Variants in MUC5B observed in about 807,000 individuals in gnomAD.
MUC5B encodes mucin-5B.
A neutral mutation model predicts 376.9 loss-of-function variants in MUC5B; 116 were observed. The ratio of observed to expected loss-of-function variants is 0.31; its 90% CI spans 0.26 to 0.36. MUC5B has a LOEUF of 0.36. Among genes scored for constraint, MUC5B ranks in the 10% least tolerant of loss-of-function variants. MUC5B has a pLI of 1.00. For missense variants in MUC5B, 7,165 were observed against 7,769.9 expected (o/e 0.92, Z 2.93); for synonymous variants, 3,517 against 3,390.9 (o/e 1.04, Z -1.29).
At chr11:1,239,177 A>G (rs1289126409) in intron 26 of MUC5B, 150 bp downstream of exon 26, 90 of 1,061,202 alleles carry the variant, frequency 8.5e-5, no homozygotes, top group Non-Finnish European at 6.2e-5. Context: ...ACAAGTTTCT[A>G]TGCACAGAGG....
At position 1,242,373 on chromosome 11, in the gene MUC5B, G is replaced by A. The variant is rs373039016; in HGVS notation, c.5493G>A (p.Arg1831=). ...GGGCACCAAAGAGCATAGAGTGCCG[G>A]GCGGAGAACTACCCCGAGGTAAGCA... ...MCWAPKSIEC[R]AENYPEVSID... The change falls in exon 31 of 49, where the codon CGG becomes CGA. Residue 1831 remains arginine, a synonymous_variant. Coordinates refer to ENST00000529681, the MANE Select transcript of MUC5B (RefSeq NM_002458.3). 8.7e-6 allele frequency: 14 copies of A among 1,613,742 alleles called. No individual in the cohort carries two copies. Among genetic ancestry groups the A allele is most frequent in the Middle Eastern group, 1.6e-4 (1 of 6,084 alleles).
chr11:1,258,820 G>T lies in MUC5B; in HGVS notation c.16594-122G>T, dbSNP rs56064918. On this transcript the variant is annotated intron_variant, in intron 43 of 48. Transcript: ENST00000529681. This position sits in a 1 kb window ranked among gnomAD's most constrained non-coding sequence, Gnocchi z 5.5. ...CTGCCTGGGTCCATGCTCAGCCAGG[G>T]GTGCATCTATGCTCCATCTGAGGAA... The T allele has an allele frequency of 1.5e-6, 2 of 1,355,282 alleles. No individual in the cohort carries two copies. 84.0% of individuals were successfully genotyped at this position (1,355,282 alleles called of 1,614,324 possible). A position where few individuals can be genotyped will look rare whatever the true frequency, so the allele number is the denominator to read the frequency against.
Position 1,250,337 on chromosome 11 carries a change from C to T in MUC5B, c.13457C>T (p.Thr4486Met), listed in dbSNP as rs1350596930. Residue 4486 changes from threonine to methionine, a missense_variant, in exon 31 of 49, where the codon ACG becomes ATG. By Grantham distance (81) the Thr-to-Met change is moderately conservative. This residue lies in a region of MUC5B where 431 missense variants were observed against 390.4 expected (regional missense o/e 1.10). Coordinates refer to ENST00000529681, the MANE Select transcript of MUC5B (RefSeq NM_002458.3). ...ACCCCACATGTGAGCACCACGGCCA[C>T]GACACCCACAGTCACCAGCTCCAAA... ...AGTPHVSTTA[T>M]TPTVTSSKAT... is the part of the protein sequence containing the mutation. 48 of 1,613,144 alleles carry T rather than the reference C, an allele frequency of 3.0e-5. No individual in the cohort carries two copies. Among genetic ancestry groups the T allele is most frequent in the Middle Eastern group, 1.6e-4 (1 of 6,072 alleles).
rs746270636 is a variant in MUC5B at position 1,247,362 on chromosome 11, C to A, written c.10482C>A (p.Thr3494=). 5.6e-6 allele frequency: 9 copies of A among 1,610,876 alleles called. No individual in the cohort carries two copies. Among genetic ancestry groups the A allele is most frequent in the Non-Finnish European group, 7.6e-6 (9 of 1,179,416 alleles). The change falls in exon 31 of 49, where the codon ACC becomes ACA. Residue 3494 remains threonine, a synonymous_variant. Transcript: ENST00000529681. ...ITEPSTVTSH[T]PAATTSTTQH... The stretch of plus-strand genomic sequence containing the variant: ...AGCCTTCCACGGTGACTTCCCACAC[C>A]CCAGCAGCAACCACCAGTACCACCC...
chr11:1,224,062 G>A (rs1861822652), intron 1 of MUC5B, among the ~76,000 whole-genome samples: 1 of 152,236 alleles, frequency 6.6e-6, no homozygotes, highest in Non-Finnish European at 1.5e-5. Flanking sequence ...GGCCCGGGGG[G>A]AGCTGCGTCT....
At position 1,251,466 on chromosome 11, in the gene MUC5B, T is replaced by C. The variant is rs182667095; in HGVS notation, c.14586T>C (p.Gly4862=). The C allele has an allele frequency of 1.8e-4, 287 of 1,603,302 alleles. No individual in the cohort carries two copies. The highest frequency in any genetic ancestry group is 2.6e-4 in the African/African-American group (19 of 74,222). The part of the protein sequence containing the change: ...STIATVMVPT[G]STATASSTLG... The stretch of plus-strand genomic sequence containing the variant: ...TAGCCACCGTGATGGTGCCCACCGG[T>C]TCCACGGCCACCGCCTCCTCCACTC... The change falls in exon 31 of 49, where the codon GGT becomes GGC. Residue 4862 remains glycine, a synonymous_variant. Transcript: ENST00000529681.
chr11:1,259,146 A>AC (rs1482112346), intron 44 of MUC5B, 85 bp downstream of exon 44: 64 of 1,254,412 alleles, frequency 5.1e-5, no homozygotes, highest in Middle Eastern at 2.7e-4. Context: ...CCCAGGTGAG[A>AC]CCTGAGTCAC....
rs760698930 is a variant in MUC5B at position 1,245,868 on chromosome 11, G to T, written c.8988G>T (p.Gln2996His). 6.2e-7 allele frequency: 1 copy of T among 1,613,350 alleles called. No homozygotes were observed. The highest frequency in any genetic ancestry group is 1.1e-5 in the South Asian group (1 of 91,062). The change falls in exon 31 of 49, where the codon CAG becomes CAT. Residue 2996 changes from glutamine to histidine, a missense_variant. By Grantham distance (24) the Gln-to-His change is conservative. Around this residue, in one of 31 missense-constraint regions of MUC5B, gnomAD observed 939 missense variants for 770.6 expected, o/e 1.22. Transcript: ENST00000529681. ...GGACGACCTGGATCCTCACAGAGCA[G>T]ACCACAGCAGCCACTACGACCGCAA... ...TPGTTWILTE[Q>H]TTAATTTATT...
In MUC5B at chr11:1,259,808, C is replaced by T. The variant is rs1411553858; in HGVS notation, c.16766C>T (p.Thr5589Ile). ...AGQCCGECVQ[T>I]ACLTPDGQPV... ...CAGTGCTGTGGGGAGTGCGTCCAGA[C>T]CGCCTGCCTCACGCCCGATGGCCAG... The change falls in exon 45 of 49, where the codon ACC becomes ATC. Residue 5589 changes from threonine (T) to isoleucine (I), a missense_variant. Physicochemically the swap from Thr to Ile is moderately conservative, Grantham distance 89. Transcript: ENST00000529681. 10 of 1,612,308 alleles carry T rather than the reference C, an allele frequency of 6.2e-6. No individual in the cohort carries two copies. The highest frequency in any genetic ancestry group is 8.5e-6 in the Non-Finnish European group (10 of 1,179,702).
chr11:1,247,920 G>A lies in MUC5B; in HGVS notation c.11040G>A (p.Thr3680=), dbSNP rs771603940. ...CCAGCACCCCGGCCACCAGCTCTAC[G>A]GCCACGCCCTCCTCAACTCCGGGGA... ...HCPSTPATSS[T]ATPSSTPGTT... is the part of the protein sequence containing the mutation. The change falls in exon 31 of 49, where the codon ACG becomes ACA. Residue 3680 remains threonine, a synonymous_variant. Transcript: ENST00000529681. 2.4e-5 allele frequency: 38 copies of A among 1,611,712 alleles called. 2 individuals are homozygous for A. The highest frequency in any genetic ancestry group is 2.0e-4 in the East Asian group (9 of 44,882).
At chr11:1,240,014 G>A (rs2672799) in intron 28 of MUC5B, 31 bp from the exon 29 acceptor site, 6 of 1,594,846 alleles carry the variant, frequency 3.8e-6, no homozygotes, top group Non-Finnish European at 3.4e-6. Context: ...CTGCCCCCCA[G>A]GCCCTCAGCT....
chr11:1,257,566 G>T lies in MUC5B; in HGVS notation c.16306G>T (p.Val5436Leu). 1 of 1,608,000 alleles carries T rather than the reference G, an allele frequency of 6.2e-7. No individual in the cohort carries two copies. Residue 5436 changes from valine to leucine, a missense_variant, in exon 41 of 49, where the codon GTG becomes TTG. Transcript: ENST00000529681. The surrounding 1 kb of genome is among the most constrained non-coding windows in gnomAD (Gnocchi z 8.9). ...GTGGGTCAGCAACTGCCAGTCCTGC[G>T]TGTGTGACGAGGGTTCAGTGTCGGT... is the stretch of plus-strand genomic sequence containing the variant. ...ERWVSNCQSCVCDEGSVSVQC... is the reference protein window; with the variant it reads ...ERWVSNCQSCLCDEGSVSVQC...
Position 1,250,380 on chromosome 11 carries a change from T to G in MUC5B, c.13500T>G (p.Ser4500Arg). 3.7e-6 allele frequency: 6 copies of G among 1,611,188 alleles called. No homozygotes were observed. Among genetic ancestry groups the G allele is most frequent in the Non-Finnish European group, 5.1e-6 (6 of 1,178,978 alleles). ...GCTCCAAAGCCACTCCCTCCTCCAGTCCAGGGACTGCAACTGCCCTTCCAG... is the reference window on the plus strand; with the variant it reads ...GCTCCAAAGCCACTCCCTCCTCCAGGCCAGGGACTGCAACTGCCCTTCCAG... ...VTSSKATPSS[S>R]PGTATALPAL... Residue 4500 changes from serine to arginine, a missense_variant, in exon 31 of 49, where the codon AGT becomes AGG. By Grantham distance (110) the Ser-to-Arg change is moderately radical. This residue lies in a region of MUC5B where 431 missense variants were observed against 390.4 expected (regional missense o/e 1.10). Transcript: ENST00000529681.
At chr11:1,227,202 G>A (rs749410096) in intron 5 of MUC5B, 57 bp downstream of exon 5, 1 of 1,581,350 alleles carries the variant, frequency 6.3e-7, no homozygotes, top group Non-Finnish European at 8.7e-7. Flanking sequence ...ACCCCCACCG[G>A]GGGTCGAGGG....
intron 9 of MUC5B, 89 bp downstream of exon 9, chr11:1,229,384 G>T: frequency 7.2e-7 from 1 of 1,388,100 alleles, no homozygotes. Flanking sequence ...TGGAAGCAGA[G>T]CCCCTCATGC....
In MUC5B at chr11:1,248,398, A is replaced by C; in HGVS notation, c.11518A>C (p.Thr3840Pro). Residue 3840 changes from threonine (T) to proline (P), a missense_variant, in exon 31 of 49, where the codon ACG becomes CCG. By Grantham distance (38) the Thr-to-Pro change is conservative (BLOSUM62 -1). Around this residue, in one of 31 missense-constraint regions of MUC5B, gnomAD observed 242 missense variants for 199.0 expected, o/e 1.22. Coordinates refer to ENST00000529681, the MANE Select transcript of MUC5B (RefSeq NM_002458.3). ...CCACACCTCCACAGTGCTTACCACC[A>C]CGGCCACCACAACCAGGGCCACCGG... is the stretch of plus-strand genomic sequence containing the variant. ...TAHTSTVLTT[T>P]ATTTRATGSV... is the part of the protein sequence containing the mutation. 1 of 1,612,602 alleles carries C rather than the reference A, an allele frequency of 6.2e-7. No homozygotes were observed. The highest frequency in any genetic ancestry group is 8.5e-7 in the Non-Finnish European group (1 of 1,179,432).
At chr11:1,238,742 C>T in intron 25 of MUC5B, 129 bp from the exon 26 acceptor site, 9 of 1,042,304 alleles carry the variant, frequency 8.6e-6, no homozygotes, top group Non-Finnish European at 1.1e-5. Flanking sequence ...TTCCAGGCCC[C>T]AGGAGCTCAG....
At position 1,251,204 on chromosome 11, in the gene MUC5B, T is replaced by C; in HGVS notation, c.14324T>C (p.Met4775Thr). Residue 4775 changes from methionine to threonine, a missense_variant, in exon 31 of 49, where the codon ATG (methionine) becomes ACG (threonine). Met to Thr is a moderately conservative substitution (Grantham distance 81). This residue lies in a region of MUC5B where 730 missense variants were observed against 592.7 expected (regional missense o/e 1.23). Transcript: ENST00000529681. ...PAQTTTPMST[M>T]STIHTSSTPE... Reference sequence around the variant, plus strand: ...CAGACCACCACACCCATGTCCACCATGTCCACAATCCACACCTCCTCTACT... The same window carrying C: ...CAGACCACCACACCCATGTCCACCACGTCCACAATCCACACCTCCTCTACT... The C allele has an allele frequency of 6.2e-7, 1 of 1,610,242 alleles. No individual in the cohort carries two copies. The highest frequency in any genetic ancestry group is 8.5e-7 in the Non-Finnish European group (1 of 1,177,896).
Position 1,229,373 on chromosome 11 carries a change from G to C in MUC5B, c.1102+78G>C, listed in dbSNP as rs2075860. ...AACCCCGCCCCCAGCCTCATCAGGC[G>C]TGGAAGCAGAGCCCCTCATGCCAGA... On this transcript the variant is annotated intron_variant, in intron 9 of 48. Coordinates refer to ENST00000529681, the MANE Select transcript of MUC5B (RefSeq NM_002458.3). 0.47 allele frequency: 675,742 copies of C among 1,424,578 alleles called. 162,587 individuals are homozygous for C. Among genetic ancestry groups the C allele is most frequent in the East Asian group, 0.7 (27,630 of 39,538 alleles). The allele number at this position is 1,424,578 out of a possible 1,614,324, so 88.2% of individuals were successfully genotyped here.
Sources: gnomAD v4.1 joint callset for allele counts (sites outside exome capture counted in the v4.1 genomes callset) on GRCh38, gnomAD v4.1.1 for gene constraint, gnomAD v4.1.1 regional missense constraint, Gnocchi (gnomAD v3.1) non-coding constraint, MANE v1.5 for transcripts, NCBI Gene and HGNC (gene_info 2026-07-23, HGNC 2026-07-21) for gene names.